Variants in AJAP1 observed in about 807,000 individuals in gnomAD.
AJAP1 encodes adherens junctions associated protein 1.
A neutral mutation model predicts 35.0 loss-of-function variants in AJAP1; 5 were observed. The ratio of observed to expected loss-of-function variants is 0.14; its 90% CI spans 0.07 to 0.30. AJAP1 has a LOEUF of 0.30. Ranked by LOEUF, AJAP1 falls within the 10% of genes least tolerant of loss-of-function variation. The pLI, the probability that AJAP1 is intolerant of heterozygous loss-of-function variation, is 1.00. For synonymous variants in AJAP1, 284 were observed against 249.3 expected, an observed-to-expected ratio of 1.14 and a Z score of -1.31; for missense variants, 586 against 571.0, an observed-to-expected ratio of 1.03 and a Z score of -0.27.
chr1:4,769,770 G>GA (rs1641793485), intron 2 of AJAP1, 83 bp from the exon 3 acceptor site: 2 of 1,198,868 alleles, frequency 1.7e-6, no homozygotes, highest in South Asian at 2.4e-5. Flanking sequence ...GGGTTGGGGG[G>GA]ATGCACCTCC....
intron 2 of AJAP1, among the ~76,000 whole-genome samples, chr1:4,747,933 A>G (rs1452078204): frequency 6.6e-6 from 1 of 151,558 alleles, no homozygotes; most frequent in Non-Finnish European, 1.5e-5. Flanking sequence ...CCAAGGTTTC[A>G]GTGAGCCAAG....
intron 2 of AJAP1, among the ~76,000 whole-genome samples, chr1:4,728,712 C>T (rs1271336512): frequency 2.6e-5 from 4 of 152,156 alleles, no homozygotes. Context: ...CATTTTGCAA[C>T]TTGCTGGAAA....
At chr1:4,752,333 A>G (rs1223251898) in intron 2 of AJAP1, among the ~76,000 whole-genome samples, 5 of 152,076 alleles carry the variant, frequency 3.3e-5, no homozygotes, top group Non-Finnish European at 5.9e-5. Context: ...TGTCCAGTAG[A>G]CAAGAGAATG....
At chr1:4,729,096 A>G (rs1640740780) in intron 2 of AJAP1, among the ~76,000 whole-genome samples, 1 of 152,236 alleles carries the variant, frequency 6.6e-6, no homozygotes. Context: ...ATTGAAATGA[A>G]TTATACATCA....
At chr1:4,721,416 G>C (rs1404987856) in intron 2 of AJAP1, among the ~76,000 whole-genome samples, 1 of 152,208 alleles carries the variant, frequency 6.6e-6, no homozygotes, top group Non-Finnish European at 1.5e-5. Flanking sequence ...TGGTCTTCTT[G>C]ACCCTTCTAG....
chr1:4,689,424 G>A (rs570271521), intron 1 of AJAP1, among the ~76,000 whole-genome samples: 12 of 152,188 alleles, frequency 7.9e-5, no homozygotes, highest in African/African-American at 2.2e-4. Flanking sequence ...GGCCAGGAAC[G>A]CAAGGCCCAG....
At chr1:4,730,340 A>G (rs1640768802) in intron 2 of AJAP1, among the ~76,000 whole-genome samples, 1 of 152,202 alleles carries the variant, frequency 6.6e-6, no homozygotes, top group African/African-American at 2.4e-5. Flanking sequence ...AGACACTGAC[A>G]CAGAATTCCA....
At chr1:4,658,711 G>T (rs575202219) in intron 1 of AJAP1, among the ~76,000 whole-genome samples, 1 of 152,306 alleles carries the variant, frequency 6.6e-6, no homozygotes, top group East Asian at 1.9e-4. Context: ...AAGTGGAGGA[G>T]CTGATGGCAG....
intron 1 of AJAP1, among the ~76,000 whole-genome samples, chr1:4,702,647 G>C (rs115892659): frequency 6.6e-6 from 1 of 152,128 alleles, no homozygotes; most frequent in African/African-American, 2.4e-5. Context: ...TGAGGCCAGC[G>C]GGTGAGTTGC....
chr1:4,766,031 C>G (rs1288843509), intron 2 of AJAP1, among the ~76,000 whole-genome samples: 1 of 152,190 alleles, frequency 6.6e-6, no homozygotes, highest in African/African-American at 2.4e-5. Context: ...AAGCATTAAC[C>G]GATCATCCAA....
chr1:4,712,262 C>T lies in AJAP1; in HGVS notation c.392C>T (p.Ala131Val), dbSNP rs1291841182. ...PAAAKSSPSL[A>V]SSSSSSSSAV... is the part of the protein sequence containing the mutation. ...GCTGCCAAATCCAGCCCTTCCCTCG[C>T]CTCTTCGTCCTCGTCCTCGTCCTCC... The change falls in exon 2 of 6, where the codon GCC becomes GTC. Residue 131 changes from alanine (A) to valine (V), a missense_variant. Physicochemically the swap from Ala to Val is moderately conservative, Grantham distance 64. Transcript: ENST00000378191. 2 of 1,522,768 alleles carry T rather than the reference C, an allele frequency of 1.3e-6. No homozygotes were observed. The highest frequency in any genetic ancestry group is 1.8e-6 in the Non-Finnish European group (2 of 1,140,258). The allele number at this position is 1,522,768 out of a possible 1,614,324, so 94.3% of individuals were successfully genotyped here. A position where few individuals can be genotyped will look rare whatever the true frequency, so the allele number is the denominator to read the frequency against.
At chr1:4,688,734 T>G (rs1441453171) in intron 1 of AJAP1, among the ~76,000 whole-genome samples, 1 of 132,270 alleles carries the variant, frequency 7.6e-6, no homozygotes, top group Non-Finnish European at 1.5e-5. Context: ...ATCGTGCCAC[T>G]GCACTCCAGC....
intron 1 of AJAP1, among the ~76,000 whole-genome samples, chr1:4,658,807 C>A (rs952017234): frequency 6.6e-6 from 1 of 152,158 alleles, no homozygotes; most frequent in East Asian, 1.9e-4. Flanking sequence ...AGCAGGGCAA[C>A]GCAGCTCAGG....
At chr1:4,663,060 G>C (rs1008737388) in intron 1 of AJAP1, among the ~76,000 whole-genome samples, 1 of 152,214 alleles carries the variant, frequency 6.6e-6, no homozygotes, top group Non-Finnish European at 1.5e-5. Flanking sequence ...TCCCAGGGGG[G>C]CAGTGGGGCC....
intron 1 of AJAP1, among the ~76,000 whole-genome samples, chr1:4,694,223 G>T (rs971789498): frequency 6.6e-6 from 1 of 152,166 alleles, no homozygotes; most frequent in South Asian, 2.1e-4. Flanking sequence ...TGCCGGGGGG[G>T]GATGGCCCCT....
At chr1:4,691,576 G>C in intron 1 of AJAP1, among the ~76,000 whole-genome samples, 1 of 152,310 alleles carries the variant, frequency 6.6e-6, no homozygotes, top group Non-Finnish European at 1.5e-5. Context: ...AAAAGCCCTG[G>C]TGCTGGAGGA....
At position 4,785,163 on chromosome 1, in the gene AJAP1, T is replaced by C. The variant is rs1033694888; in HGVS notation, c.*2678T>C. ...GTGCGGCACCCTGGATGCCCTGAAC[T>C]CTTTCCTGGGTCCATAAGACATCGA... is the stretch of plus-strand genomic sequence containing the variant. On this transcript the variant is annotated 3_prime_UTR_variant, in exon 6 of 6. Transcript: ENST00000378191. 6.6e-6 allele frequency: 1 copy of C among 152,318 alleles called. No homozygotes were observed. The highest frequency in any genetic ancestry group is 6.5e-5 in the Admixed American group (1 of 15,286). The allele number at this position is 152,318 out of a possible 1,614,324, so 9.4% of individuals were successfully genotyped here. A position where few individuals can be genotyped will look rare whatever the true frequency, so the allele number is the denominator to read the frequency against.
intron 2 of AJAP1, among the ~76,000 whole-genome samples, chr1:4,739,789 G>A (rs930735927): frequency 2.6e-5 from 4 of 152,260 alleles, no homozygotes; most frequent in African/African-American, 9.6e-5. Flanking sequence ...GGTTGTGGCG[G>A]CCCTCACTTC....
intron 2 of AJAP1, among the ~76,000 whole-genome samples, chr1:4,731,974 C>T (rs1039793365): frequency 3.3e-5 from 5 of 152,200 alleles, no homozygotes; most frequent in African/African-American, 4.8e-5. Context: ...CCTCCCTTCC[C>T]GATAAAGGCA....
Sources: gnomAD v4.1 joint callset for allele counts (sites outside exome capture counted in the v4.1 genomes callset) on GRCh38, gnomAD v4.1.1 for gene constraint, MANE v1.5 for transcripts, NCBI Gene and HGNC (gene_info 2026-07-23, HGNC 2026-07-21) for gene names.